AHCYL2: variants seen among roughly 807,000 people sequenced by gnomAD.
The protein encoded by AHCYL2 is adenosylhomocysteinase like 2, also known as S-adenosylhomocysteine hydrolase-like protein 2.
AHCYL2 carries 28 observed loss-of-function variants against 81.4 expected under a neutral mutation model. The observed-to-expected ratio is 0.34, with a 90% CI of 0.25 to 0.47. AHCYL2 has a LOEUF of 0.47. Ranked by LOEUF, AHCYL2 falls within the 20% of genes least tolerant of loss-of-function variation. The pLI, the probability that AHCYL2 is intolerant of heterozygous loss-of-function variation, is 1.00. For missense variants in AHCYL2, 551 were observed against 785.1 expected (o/e 0.70, Z 3.56); for synonymous variants, 272 against 290.2 (o/e 0.94, Z 0.64).
intron 1 of AHCYL2, among the ~76,000 whole-genome samples, chr7:129,328,411 T>C (rs1395808728): frequency 6.6e-6 from 1 of 151,084 alleles, no homozygotes; most frequent in Non-Finnish European, 1.5e-5. Flanking sequence ...CTCCTGACCT[T>C]GTGATCCACC....
At chr7:129,410,670 A>C (rs976331191) in intron 11 of AHCYL2, among the ~76,000 whole-genome samples, 5 of 152,258 alleles carry the variant, frequency 3.3e-5, no homozygotes, top group African/African-American at 1.2e-4. Context: ...AGTTAGAGAA[A>C]GTAGACGAGG....
chr7:129,257,913 A>G (rs73722903), intron 1 of AHCYL2, among the ~76,000 whole-genome samples: 510 of 152,344 alleles, frequency 3.3e-3, no homozygotes, highest in African/African-American at 0.012. Flanking sequence ...TAAGTAAAAC[A>G]TTACATACTT....
chr7:129,400,613 CATTT>C (rs1238135609), intron 6 of AHCYL2, among the ~76,000 whole-genome samples: 1 of 152,068 alleles, frequency 6.6e-6, no homozygotes. Context: ...ATGTTGGAAG[CATTT>C]ATATTCATTA....
intron 1 of AHCYL2, among the ~76,000 whole-genome samples, chr7:129,257,456 T>G (rs541401855): frequency 6.6e-6 from 1 of 152,020 alleles, no homozygotes; most frequent in African/African-American, 2.4e-5. Context: ...CAGAAGAGAA[T>G]GAGGGGTGGA....
intron 1 of AHCYL2, among the ~76,000 whole-genome samples, chr7:129,340,795 C>G (rs1793152783): frequency 6.6e-6 from 1 of 151,676 alleles, no homozygotes; most frequent in Admixed American, 6.6e-5. Flanking sequence ...TCCTTTAATC[C>G]ATTATGGTGG....
Position 129,403,372 on chromosome 7 carries a change from A to G in AHCYL2, c.919-7A>G, listed in dbSNP as rs376109589. ...GTGAATGATGTTATTGATGCTTACTATTGCAGATCTTGGATGATGGAGGGG... is the reference window on the plus strand; with the variant it reads ...GTGAATGATGTTATTGATGCTTACTGTTGCAGATCTTGGATGATGGAGGGG... On this transcript the variant is annotated splice_polypyrimidine_tract_variant and splice_region_variant and intron_variant, in intron 6 of 16. Transcript: ENST00000325006. The G allele has an allele frequency of 2.6e-5, 42 of 1,586,656 alleles. No homozygotes were observed. The highest frequency in any genetic ancestry group is 1.6e-5 in the Non-Finnish European group (19 of 1,161,108).
At chr7:129,226,682 T>G (rs933268069) in intron 1 of AHCYL2, among the ~76,000 whole-genome samples, 1 of 152,154 alleles carries the variant, frequency 6.6e-6, no homozygotes, top group African/African-American at 2.4e-5. Context: ...CAAATTTAGG[T>G]GATAAGTCAG....
In AHCYL2 at chr7:129,368,591, GATA is replaced by G. The variant is rs1432013881; in HGVS notation, c.364-11044_364-11042del. 3 of 1,599,122 alleles carry G rather than the reference GATA, an allele frequency of 1.9e-6. No individual in the cohort carries two copies. Among genetic ancestry groups the G allele is most frequent in the Admixed American group, 1.7e-5 (1 of 59,606 alleles). On this transcript the variant is annotated intron_variant, in intron 1 of 16. Transcript: ENST00000325006. The surrounding 1 kb of genome is among the most constrained non-coding windows in gnomAD (Gnocchi z 4.4). ...CGTTTTGTTTCTCCTTCTGTTTCTT[GATA>G]ATGAGAGGCAACCATTTCTGACGGG...
At position 129,225,425 on chromosome 7, in the gene AHCYL2, C is replaced by T. The variant is rs1794175093; in HGVS notation, c.349C>T (p.Arg117Cys). ...SPDGTVTEAP[R>C]TVKKQIQFAD... is the part of the protein sequence containing the mutation. ...CGACGGCACCGTCACCGAGGCGCCGCGCACAGTCAAGAAGGTACTGGGGCC... is the reference window on the plus strand; with the variant it reads ...CGACGGCACCGTCACCGAGGCGCCGTGCACAGTCAAGAAGGTACTGGGGCC... The change falls in exon 1 of 17, where the codon CGC becomes TGC. Residue 117 changes from arginine to cysteine, a missense_variant. Arg to Cys is a radical substitution (Grantham distance 180). Coordinates refer to ENST00000325006, the MANE Select transcript of AHCYL2 (RefSeq NM_015328.4). 6.6e-7 allele frequency: 1 copy of T among 1,515,648 alleles called. No individual in the cohort carries two copies. Among genetic ancestry groups the T allele is most frequent in the Non-Finnish European group, 8.8e-7 (1 of 1,137,528 alleles). The allele number at this position is 1,515,648 out of a possible 1,614,324, so 93.9% of individuals were successfully genotyped here.
At position 129,415,258 on chromosome 7, in the gene AHCYL2, G is replaced by A. The variant is rs550591154; in HGVS notation, c.1461+1570G>A. Among the ~76,000 whole-genome samples, 4 of 152,290 alleles carry A rather than the reference G, an allele frequency of 2.6e-5. No homozygotes were observed. The South Asian group carries it at 8.3e-4, about 32-fold the overall frequency. ...ACTTTGCTTCTAGAGCCCCCAAAGG[G>A]GAAAGGCCTAAAGGGAAGTATTCAT... is the stretch of plus-strand genomic sequence containing the variant. On this transcript the variant is annotated intron_variant, in intron 12 of 16. Transcript: ENST00000325006.
At chr7:129,375,665 G>T (rs904063114) in intron 1 of AHCYL2, 1 of 1,386,224 alleles carries the variant, frequency 7.2e-7, no homozygotes, top group Non-Finnish European at 9.3e-7. Context: ...GCCACTAACA[G>T]AAATGCCTTA....
intron 1 of AHCYL2, among the ~76,000 whole-genome samples, chr7:129,300,519 C>CATTATTA (rs1797223242): frequency 6.6e-6 from 1 of 152,044 alleles, no homozygotes; most frequent in South Asian, 2.1e-4. Flanking sequence ...CTTATATGTA[C>CATTATTA]CACATTTAAA....
intron 1 of AHCYL2, among the ~76,000 whole-genome samples, chr7:129,293,510 T>C (rs918836224): frequency 6.6e-6 from 1 of 151,832 alleles, no homozygotes; most frequent in Non-Finnish European, 1.5e-5. Context: ...ACCCCATCTC[T>C]ACAAAAAATA....
In AHCYL2 at chr7:129,428,387, C is replaced by T. The variant is rs190078949; in HGVS notation, c.*1342C>T. On this transcript the variant is annotated 3_prime_UTR_variant, in exon 17 of 17. Coordinates refer to ENST00000325006, the MANE Select transcript of AHCYL2 (RefSeq NM_015328.4). Reference sequence around the variant, plus strand: ...GGCAGCGTGACATTTTATGTCCCACCCAAAAATTGGATTCCTTTTGGAGAC... The same window carrying T: ...GGCAGCGTGACATTTTATGTCCCACTCAAAAATTGGATTCCTTTTGGAGAC... The T allele has an allele frequency of 6.6e-6, 1 of 152,146 alleles. No individual in the cohort carries two copies. The highest frequency in any genetic ancestry group is 2.4e-5 in the African/African-American group (1 of 41,410). The allele number at this position is 152,146 out of a possible 1,614,324, so 9.4% of individuals were successfully genotyped here.
intron 1 of AHCYL2, among the ~76,000 whole-genome samples, chr7:129,322,807 C>G (rs1798087338): frequency 6.6e-6 from 1 of 152,114 alleles, no homozygotes; most frequent in Non-Finnish European, 1.5e-5. Context: ...TCGGGCTGAT[C>G]TCAAACTCCT....
chr7:129,349,772 G>A (rs1190984175), intron 1 of AHCYL2, among the ~76,000 whole-genome samples: 1 of 151,876 alleles, frequency 6.6e-6, no homozygotes, highest in African/African-American at 2.4e-5. Context: ...AAGATGCCCT[G>A]GTAGTCCTGT....
intron 1 of AHCYL2, among the ~76,000 whole-genome samples, chr7:129,266,841 T>C (rs78161750): frequency 0.013 from 2,044 of 152,292 alleles, 54 homozygotes; most frequent in African/African-American, 0.047. Context: ...CTACAAAAGA[T>C]ATTAAACAAA....
intron 1 of AHCYL2, among the ~76,000 whole-genome samples, chr7:129,334,994 G>A (rs1014852279): frequency 6.6e-6 from 1 of 152,232 alleles, no homozygotes; most frequent in Non-Finnish European, 1.5e-5. Flanking sequence ...TTTGGTCTGT[G>A]ATTTCACTTC....
intron 1 of AHCYL2, among the ~76,000 whole-genome samples, chr7:129,235,938 G>T: frequency 6.7e-6 from 1 of 149,998 alleles, no homozygotes; most frequent in Non-Finnish European, 1.5e-5. Context: ...GTAACTATCT[G>T]TATGCATTTT....
Sources: allele counts gnomAD v4.1 joint callset (sites outside exome capture counted in the v4.1 genomes callset), GRCh38; gene constraint gnomAD v4.1.1; non-coding constraint Gnocchi (gnomAD v3.1); transcripts MANE v1.5; gene names NCBI Gene and HGNC (gene_info 2026-07-23, HGNC 2026-07-21).